The following MTA3 variants were observed in gnomAD, a reference collection of about 807,000 sequenced individuals.
The protein encoded by MTA3 is metastasis-associated protein MTA3.
In MTA3, 34 loss-of-function variants were observed where a neutral mutation model predicts 83.5. The observed-to-expected ratio is 0.41, with a 90% CI of 0.31 to 0.54. The LOEUF (loss-of-function observed/expected upper bound fraction) is 0.54, where lower values mean the gene tolerates loss of function less well. Among genes scored for constraint, MTA3 ranks in the 20% least tolerant of loss-of-function variants. The pLI, the probability that MTA3 is intolerant of heterozygous loss-of-function variation, is 0.33. For missense variants in MTA3, 761 were observed against 726.4 expected, an observed-to-expected ratio of 1.05 and a Z score of -0.55; for synonymous variants, 303 against 252.7, an observed-to-expected ratio of 1.20 and a Z score of -1.89.
At chr2:42,551,213 C>A (rs143769785) in intron 2 of MTA3, among the ~76,000 whole-genome samples, 2,071 of 151,498 alleles carry the variant, frequency 0.014, 50 homozygotes, top group African/African-American at 0.047. Context: ...TTTTTTGAGA[C>A]GAAGTCTTGC....
chr2:42,537,882 TG>T lies in MTA3; in HGVS notation c.-140-32553del, dbSNP rs1308352823. On this transcript the variant is annotated intron_variant, in intron 2 of 17. Coordinates refer to the MTA3 transcript ENST00000405592. ...AGATATATGTTGAGGTGATAGGGGG[TG>T]GAGTATCATGATATCTGTACCTGAC... Among the ~76,000 whole-genome samples the T allele has an allele frequency of 2.0e-5, 3 of 151,940 alleles. No individual in the cohort carries two copies. The South Asian group carries it at 6.2e-4, about 32-fold the overall frequency.
At chr2:42,551,428 T>TA (rs1677106756) in intron 2 of MTA3, among the ~76,000 whole-genome samples, 1 of 152,008 alleles carries the variant, frequency 6.6e-6, no homozygotes, top group African/African-American at 2.4e-5. Flanking sequence ...TGACCTGAGG[T>TA]AAACCACCTG....
intron 2 of MTA3, among the ~76,000 whole-genome samples, chr2:42,531,679 C>A (rs1008417804): frequency 1.3e-5 from 2 of 151,600 alleles, no homozygotes; most frequent in African/African-American, 4.8e-5. Context: ...TCTCAAACTC[C>A]TGACCTTGTG....
intron 16 of MTA3, among the ~76,000 whole-genome samples, chr2:42,751,146 G>A (rs376454109): frequency 6.6e-6 from 1 of 152,178 alleles, no homozygotes; most frequent in African/African-American, 2.4e-5. Flanking sequence ...CAGCTAGCTG[G>A]CTGGATTGCT....
chr2:42,559,913 C>CTCCACGG (rs974602695), intron 2 of MTA3, among the ~76,000 whole-genome samples: 2 of 150,876 alleles, frequency 1.3e-5, no homozygotes, highest in Admixed American at 1.3e-4. Context: ...AAAAAAAAAA[C>CTCCACGG]TCCATTGGCC....
At chr2:42,640,886 C>T (rs1263829865) in intron 5 of MTA3, among the ~76,000 whole-genome samples, 1 of 152,040 alleles carries the variant, frequency 6.6e-6, no homozygotes, top group Non-Finnish European at 1.5e-5. Context: ...TTCTTCTCCC[C>T]CAAAAGCTTT....
intron 8 of MTA3, among the ~76,000 whole-genome samples, chr2:42,678,686 C>G (rs2104427662): frequency 6.6e-6 from 1 of 152,234 alleles, no homozygotes; most frequent in Middle Eastern, 3.4e-3. Context: ...TTTACTGTAC[C>G]TAAACATGTT....
chr2:42,560,088 G>C (rs1276789902), intron 2 of MTA3, among the ~76,000 whole-genome samples: 8 of 151,718 alleles, frequency 5.3e-5, no homozygotes, highest in Non-Finnish European at 1.0e-4. Context: ...TTTTGAGATG[G>C]AGTTTTGCTC....
intron 14 of MTA3, chr2:42,712,683 G>C (rs1666723347): frequency 6.6e-6 from 1 of 152,028 alleles, no homozygotes; most frequent in South Asian, 2.1e-4. Context: ...GAAACGTACT[G>C]TTTTCTTAAG....
chr2:42,658,356 C>T (rs1358973731), intron 7 of MTA3, among the ~76,000 whole-genome samples: 2 of 152,058 alleles, frequency 1.3e-5, no homozygotes, highest in Non-Finnish European at 2.9e-5. Context: ...CCAAAAGATA[C>T]GTATACAAAT....
intron 16 of MTA3, among the ~76,000 whole-genome samples, chr2:42,726,815 G>A (rs1458710485): frequency 1.3e-5 from 2 of 152,146 alleles, no homozygotes; most frequent in African/African-American, 4.8e-5. Flanking sequence ...TCAGAACTCT[G>A]TATGCTCTAT....
At chr2:42,605,890 G>T (rs1183533470) in intron 3 of MTA3, among the ~76,000 whole-genome samples, 3 of 112,156 alleles carry the variant, frequency 2.7e-5, no homozygotes, top group Non-Finnish European at 3.8e-5. Context: ...GGGCAGAGGG[G>T]CTCCTCACTT....
intron 7 of MTA3, among the ~76,000 whole-genome samples, chr2:42,658,071 C>CAAAAAAAAAAAAAAAAAAAAAAAAAAAA (rs59628946): frequency 1.9e-5 from 1 of 51,916 alleles, no homozygotes; most frequent in African/African-American, 7.9e-5. Flanking sequence ...GACTCTGTCT[C>CAAAAAAAAAAAAAAAAAAAAAAAAAAAA]AAAAAAAAAA....
In MTA3 at chr2:42,753,621, G is replaced by A; in HGVS notation, c.*222G>A. On this transcript the variant is annotated 3_prime_UTR_variant, in exon 17 of 17. Transcript: ENST00000405094. ...TCAGCAGCACCTCGCTTTCTTGTCAGAGACCTCGCTGTTACGGAGCGAGAC... is the reference window on the plus strand; with the variant it reads ...TCAGCAGCACCTCGCTTTCTTGTCAAAGACCTCGCTGTTACGGAGCGAGAC... 2.9e-6 allele frequency: 4 copies of A among 1,363,788 alleles called. No individual in the cohort carries two copies. Among genetic ancestry groups the A allele is most frequent in the Non-Finnish European group, 3.8e-6 (4 of 1,056,918 alleles). The allele number at this position is 1,363,788 out of a possible 1,614,324, so 84.5% of individuals were successfully genotyped here. A position where few individuals can be genotyped will look rare whatever the true frequency, so the allele number is the denominator to read the frequency against.
intron 8 of MTA3, among the ~76,000 whole-genome samples, chr2:42,672,674 A>C (rs1327586023): frequency 7.1e-6 from 1 of 141,478 alleles, no homozygotes; most frequent in Non-Finnish European, 1.5e-5. Context: ...AAAAAAAAAA[A>C]GTAATCAAAA....
At chr2:42,507,398 C>G (rs1005654463) in intron 2 of MTA3, among the ~76,000 whole-genome samples, 5 of 152,012 alleles carry the variant, frequency 3.3e-5, no homozygotes, top group African/African-American at 1.2e-4. Flanking sequence ...GTCTCAAACT[C>G]ATGCAGTCCT....
intron 3 of MTA3, among the ~76,000 whole-genome samples, chr2:42,598,265 C>T (rs1054533606): frequency 1.4e-4 from 21 of 151,802 alleles, no homozygotes; most frequent in African/African-American, 5.1e-4. Context: ...TGGGGTTTCA[C>T]TGTGTTAGTC....
intron 4 of MTA3, among the ~76,000 whole-genome samples, chr2:42,639,218 A>G (rs1385075658): frequency 6.6e-6 from 1 of 151,274 alleles, no homozygotes; most frequent in East Asian, 1.9e-4. Context: ...GTGCTACCAT[A>G]CCCCACGAAT....
chr2:42,719,966 T>G (rs985568007), intron 15 of MTA3, among the ~76,000 whole-genome samples: 2 of 152,186 alleles, frequency 1.3e-5, no homozygotes, highest in Admixed American at 1.3e-4. Flanking sequence ...AAGTGAAATA[T>G]GTACTCAGAG....
Sources: gnomAD v4.1 joint callset for allele counts (sites outside exome capture counted in the v4.1 genomes callset) on GRCh38, gnomAD v4.1.1 for gene constraint, MANE v1.5 for transcripts, NCBI Gene and HGNC (gene_info 2026-07-23, HGNC 2026-07-21) for gene names.